Variants in NAB2 observed in about 807,000 individuals in gnomAD.
NAB2 encodes NGFI-A binding protein 2, also known as NGFI-A-binding protein 2.
In NAB2, 9 loss-of-function variants were observed where a neutral mutation model predicts 44.2. The ratio of observed to expected loss-of-function variants is 0.20; its 90% CI spans 0.12 to 0.36. The LOEUF (loss-of-function observed/expected upper bound fraction) is 0.36. Among genes scored for constraint, NAB2 ranks in the 10% least tolerant of loss-of-function variants. NAB2 has a pLI of 1.00. For synonymous variants in NAB2, 342 were observed against 291.0 expected (o/e 1.18, Z -1.78); for missense variants, 514 against 709.0 (o/e 0.73, Z 3.12).
At chr12:57,093,696 T>C (rs2033253324) in intron 6 of NAB2, 98 bp downstream of exon 6, 1 of 1,279,188 alleles carries the variant, frequency 7.8e-7, no homozygotes, top group Non-Finnish European at 1.0e-6. Context: ...AAGAGGGATA[T>C]AGTCGTCAGA....
Position 57,092,492 on chromosome 12 carries a change from C to A in NAB2, c.1002C>A (p.Asn334Lys). ...CTGCCCAGTTCTGCATGAGGGACAA[C>A]ACGCTCTTATTACGGAGAGTGGAGC... Reference protein sequence around the residue: ...EAAAQFCMRDNTLLLRRVELF... With the variant: ...EAAAQFCMRDKTLLLRRVELF... Residue 334 changes from asparagine to lysine, a missense_variant, in exon 3 of 7, where the codon AAC (asparagine) becomes AAA (lysine). Physicochemically the swap from Asn to Lys is moderately conservative, Grantham distance 94. Around this residue, in one of 5 missense-constraint regions of NAB2, gnomAD observed 53 missense variants for 108.5 expected, o/e 0.49. Coordinates refer to ENST00000300131, the MANE Select transcript of NAB2 (RefSeq NM_005967.4). 6.2e-7 allele frequency: 1 copy of A among 1,614,208 alleles called. No individual in the cohort carries two copies. Among genetic ancestry groups the A allele is most frequent in the Non-Finnish European group, 8.5e-7 (1 of 1,180,032 alleles).
Position 57,091,864 on chromosome 12 carries a change from G to C in NAB2, c.823G>C (p.Ala275Pro). 6.2e-7 allele frequency: 1 copy of C among 1,614,196 alleles called. No individual in the cohort carries two copies. The highest frequency in any genetic ancestry group is 8.5e-7 in the Non-Finnish European group (1 of 1,180,018). The change falls in exon 2 of 7, where the codon GCA (alanine) becomes CCA (proline). Residue 275 changes from alanine (A) to proline (P), a missense_variant. Ala to Pro is a conservative substitution (Grantham distance 27). Transcript: ENST00000300131. The surrounding 1 kb of genome is among the most constrained non-coding windows in gnomAD (Gnocchi z 7.3). The part of the protein sequence containing the change: ...TSLLKLNKKL[A>P]RSVGHIFEMD... ...CCTGCTAAAGCTGAATAAGAAGCTG[G>C]CACGGAGCGTTGGGCACATCTTTGA...
At position 57,093,046 on chromosome 12, in the gene NAB2, A is replaced by G. The variant is rs1315004910; in HGVS notation, c.1144-17A>G. On this transcript the variant is annotated splice_polypyrimidine_tract_variant and intron_variant, in intron 4 of 6. Transcript: ENST00000300131. ...TCCCTTGGCAGGTCTTCATTTCCCC[A>G]TGTTGGGCATCCACAGGTTGGAGAA... 10 of 1,613,818 alleles carry G rather than the reference A, an allele frequency of 6.2e-6. No homozygotes were observed. In the Middle Eastern group the frequency reaches 9.9e-4, roughly 160 times the overall value.
Position 57,091,066 on chromosome 12 carries a change from T to C in NAB2, c.84-59T>C. On this transcript the variant is annotated intron_variant, in intron 1 of 6. Coordinates refer to ENST00000300131, the MANE Select transcript of NAB2 (RefSeq NM_005967.4). This position sits in a 1 kb window ranked among gnomAD's most constrained non-coding sequence, Gnocchi z 7.3. ...AAGAGGGAACAATTGTTAGTGTGGG[T>C]TGGTACCCAGTAGGGGGACTTGCAC... is the stretch of plus-strand genomic sequence containing the variant. 1.4e-6 allele frequency: 2 copies of C among 1,380,006 alleles called. No individual in the cohort carries two copies. Among genetic ancestry groups the C allele is most frequent in the East Asian group, 2.3e-5 (1 of 43,194 alleles). The allele number at this position is 1,380,006 out of a possible 1,614,324, so 85.5% of individuals were successfully genotyped here.
chr12:57,091,269 TGAG>T lies in NAB2; in HGVS notation c.235_237del (p.Glu79del). The stretch of plus-strand genomic sequence containing the variant: ...ACGTGCAGCAGCTGTGTGAGGCGGG[TGAG>T]GAGGAGTTTCTGGAGATCATGGCAC... On this transcript the variant is annotated inframe_deletion, in exon 2 of 7. Coordinates refer to ENST00000300131, the MANE Select transcript of NAB2 (RefSeq NM_005967.4). This position sits in a 1 kb window ranked among gnomAD's most constrained non-coding sequence, Gnocchi z 7.3. The T allele has an allele frequency of 6.2e-7, 1 of 1,606,790 alleles. No homozygotes were observed. The highest frequency in any genetic ancestry group is 8.5e-7 in the Non-Finnish European group (1 of 1,174,202).
chr12:57,094,711 G>T lies in NAB2; in HGVS notation c.1568G>T (p.Ser523Ile). The T allele has an allele frequency of 6.4e-7, 1 of 1,552,086 alleles. No homozygotes were observed. Among genetic ancestry groups the T allele is most frequent in the Non-Finnish European group, 8.7e-7 (1 of 1,147,806 alleles). ...AGCGTGAAAGTGGAGGCTGAGGCCA[G>T]CCGGCAGTGAGGGTTGGACTGGTGT... The part of the protein sequence containing the change: ...RSSVKVEAEA[S>I]RQ The change falls in exon 7 of 7, where the codon AGC becomes ATC. Residue 523 changes from serine to isoleucine, a missense_variant. By Grantham distance (142) the Ser-to-Ile change is moderately radical (BLOSUM62 -2). Coordinates refer to ENST00000300131, the MANE Select transcript of NAB2 (RefSeq NM_005967.4).
intron 3 of NAB2, 136 bp downstream of exon 3, chr12:57,092,717 GTC>G (rs2033217708): frequency 7.4e-7 from 1 of 1,357,738 alleles, no homozygotes; most frequent in East Asian, 2.5e-5. Context: ...AAGTCAGCTT[GTC>G]TCAGGTCTGG....
chr12:57,091,565 G>C lies in NAB2; in HGVS notation c.524G>C (p.Gly175Ala). The change falls in exon 2 of 7, where the codon GGG becomes GCG. Residue 175 changes from glycine (G) to alanine (A), a missense_variant. Gly to Ala is a moderately conservative substitution (Grantham distance 60). This residue lies in a region of NAB2 where 177 missense variants were observed against 200.5 expected (regional missense o/e 0.88). Coordinates refer to ENST00000300131, the MANE Select transcript of NAB2 (RefSeq NM_005967.4). The surrounding 1 kb of genome is among the most constrained non-coding windows in gnomAD (Gnocchi z 7.3). ...ELGEKLSPLP[G>A]GPGAGDPRIW... Reference sequence around the variant, plus strand: ...GGAGAGAAGCTATCACCACTGCCTGGGGGACCTGGGGCAGGGGACCCCCGG... The same window carrying C: ...GGAGAGAAGCTATCACCACTGCCTGCGGGACCTGGGGCAGGGGACCCCCGG... 1 of 1,608,182 alleles carries C rather than the reference G, an allele frequency of 6.2e-7. No individual in the cohort carries two copies. The highest frequency in any genetic ancestry group is 8.5e-7 in the Non-Finnish European group (1 of 1,175,790).
intron 5 of NAB2, 32 bp downstream of exon 5, chr12:57,093,227 T>C (rs2033234075): frequency 3.2e-6 from 5 of 1,559,156 alleles, no homozygotes; most frequent in Admixed American, 1.8e-5. Flanking sequence ...TTTCTCTTCA[T>C]TGAGGGTGGG....
rs1442403486 is a variant in NAB2, at chr12:57,093,523, C to A, written c.1393C>A (p.Arg465=). Residue 465 remains arginine (R), a synonymous_variant, in exon 6 of 7, where the codon CGG becomes AGG. Coordinates refer to ENST00000300131, the MANE Select transcript of NAB2 (RefSeq NM_005967.4). ...GCAGACACTGATGGACGAGGGGCTGCGGCTCGCCCGCCTCGTCTCCCACGA... is the reference window on the plus strand; with the variant it reads ...GCAGACACTGATGGACGAGGGGCTGAGGCTCGCCCGCCTCGTCTCCCACGA... The part of the protein sequence containing the change: ...LQQTLMDEGL[R]LARLVSHDRV... 1 of 1,561,918 alleles carries A rather than the reference C, an allele frequency of 6.4e-7. No homozygotes were observed.
Position 57,089,299 on chromosome 12 carries a change from G to C in NAB2, c.28G>C (p.Glu10Gln). Residue 10 changes from glutamate (E) to glutamine (Q), a missense_variant, in exon 1 of 7, where the codon GAG becomes CAG. This residue lies in a region of NAB2 where 56 missense variants were observed against 45.5 expected (regional missense o/e 1.23). Coordinates refer to ENST00000300131, the MANE Select transcript of NAB2 (RefSeq NM_005967.4). ...GCACAGAGCGCCTTCCCCCACAGCC[G>C]AGCAGCCGCCGGGCGGAGGGGACAG... MHRAPSPTA[E>Q]QPPGGGDSAR... The C allele has an allele frequency of 1.9e-6, 3 of 1,578,640 alleles. No individual in the cohort carries two copies. The highest frequency in any genetic ancestry group is 1.3e-5 in the African/African-American group (1 of 74,558).
At chr12:57,094,516 T>A in intron 6 of NAB2, 96 bp from the exon 7 acceptor site, 1 of 980,980 alleles carries the variant, frequency 1.0e-6, no homozygotes. Flanking sequence ...ACTGAGCCCA[T>A]CTTCACAGCT....
At position 57,091,005 on chromosome 12, in the gene NAB2, C is replaced by T. The variant is rs910119276; in HGVS notation, c.84-120C>T. 27 of 852,548 alleles carry T rather than the reference C, an allele frequency of 3.2e-5. No homozygotes were observed. The highest frequency in any genetic ancestry group is 4.8e-5 in the Non-Finnish European group (27 of 558,930). The allele number at this position is 852,548 out of a possible 1,614,324, so 52.8% of individuals were successfully genotyped here. ...CAGACCTGGGCACTGGGCAGGATAG[C>T]ATCCAAATGAGGGAGGGGAAGAAAA... On this transcript the variant is annotated intron_variant, in intron 1 of 6. Coordinates refer to ENST00000300131, the MANE Select transcript of NAB2 (RefSeq NM_005967.4). This position sits in a 1 kb window ranked among gnomAD's most constrained non-coding sequence, Gnocchi z 7.3.
Position 57,091,065 on chromosome 12 carries a change from G to C in NAB2, c.84-60G>C, listed in dbSNP as rs1051279652. The stretch of plus-strand genomic sequence containing the variant: ...AAAGAGGGAACAATTGTTAGTGTGG[G>C]TTGGTACCCAGTAGGGGGACTTGCA... On this transcript the variant is annotated intron_variant, in intron 1 of 6. Coordinates refer to ENST00000300131, the MANE Select transcript of NAB2 (RefSeq NM_005967.4). The surrounding 1 kb of genome is among the most constrained non-coding windows in gnomAD (Gnocchi z 7.3). 3.6e-6 allele frequency: 5 copies of C among 1,377,942 alleles called. No homozygotes were observed. In the African/African-American group the frequency reaches 5.8e-5, roughly 16 times the overall value. The allele number at this position is 1,377,942 out of a possible 1,614,324, so 85.4% of individuals were successfully genotyped here.
chr12:57,092,140 C>T (rs1407574901), intron 2 of NAB2, 142 bp downstream of exon 2: 4 of 1,374,532 alleles, frequency 2.9e-6, no homozygotes, highest in Non-Finnish European at 3.8e-6. Context: ...CCAACAGGCC[C>T]CTACCCCAGC....
intron 1 of NAB2, 134 bp downstream of exon 1, chr12:57,089,488 A>G: frequency 4.1e-6 from 3 of 738,026 alleles, no homozygotes; most frequent in African/African-American, 1.8e-5. Context: ...CTGATGGAAA[A>G]GGGGGTGCGT....
Position 57,091,005 on chromosome 12 carries a change from C to A in NAB2, c.84-120C>A. The A allele has an allele frequency of 1.2e-6, 1 of 852,666 alleles. No homozygotes were observed. Among genetic ancestry groups the A allele is most frequent in the Non-Finnish European group, 1.8e-6 (1 of 558,922 alleles). 52.8% of individuals were successfully genotyped at this position (852,666 alleles called of 1,614,324 possible). On this transcript the variant is annotated intron_variant, in intron 1 of 6. Transcript: ENST00000300131. The surrounding 1 kb of genome is among the most constrained non-coding windows in gnomAD (Gnocchi z 7.3). ...CAGACCTGGGCACTGGGCAGGATAG[C>A]ATCCAAATGAGGGAGGGGAAGAAAA...
At position 57,094,875 on chromosome 12, in the gene NAB2, C is replaced by T. The variant is rs1565675100; in HGVS notation, c.*154C>T. 1 of 638,956 alleles carries T rather than the reference C, an allele frequency of 1.6e-6. No individual in the cohort carries two copies. 39.6% of individuals were successfully genotyped at this position (638,956 alleles called of 1,614,324 possible). Reference sequence around the variant, plus strand: ...GCTCCATGGGCATAAGACTGTGGGGCTTCAAGCAATAACAAGCAGAGGCCT... The same window carrying T: ...GCTCCATGGGCATAAGACTGTGGGGTTTCAAGCAATAACAAGCAGAGGCCT... On this transcript the variant is annotated 3_prime_UTR_variant, in exon 7 of 7. Coordinates refer to ENST00000300131, the MANE Select transcript of NAB2 (RefSeq NM_005967.4).
At position 57,091,563 on chromosome 12, in the gene NAB2, T is replaced by G. The variant is rs2136543460; in HGVS notation, c.522T>G (p.Pro174=). 1.2e-6 allele frequency: 2 copies of G among 1,608,186 alleles called. No individual in the cohort carries two copies. The highest frequency in any genetic ancestry group is 1.1e-5 in the South Asian group (1 of 90,850). The change falls in exon 2 of 7, where the codon CCT becomes CCG. Residue 174 remains proline (P), a synonymous_variant. Transcript: ENST00000300131. This position sits in a 1 kb window ranked among gnomAD's most constrained non-coding sequence, Gnocchi z 7.3. ...TTGGAGAGAAGCTATCACCACTGCC[T>G]GGGGGACCTGGGGCAGGGGACCCCC... ...LELGEKLSPL[P]GGPGAGDPRI...
Sources: allele counts gnomAD v4.1 joint callset, GRCh38; gene constraint gnomAD v4.1.1; regional missense constraint gnomAD v4.1.1; non-coding constraint Gnocchi (gnomAD v3.1); transcripts MANE v1.5; gene names NCBI Gene and HGNC (gene_info 2026-07-23, HGNC 2026-07-21).